Variants in CEACAM3 observed in about 807,000 individuals in gnomAD.
The protein encoded by CEACAM3 is CEA cell adhesion molecule 3.
A neutral mutation model predicts 30.1 loss-of-function variants in CEACAM3; 32 were observed. The ratio of observed to expected loss-of-function variants is 1.06; its 90% confidence interval spans 0.80 to 1.43. The LOEUF is 1.43. Among genes scored for constraint, CEACAM3 ranks in the 40% most tolerant of loss-of-function variants. The pLI, the probability that CEACAM3 is intolerant of heterozygous loss-of-function variation, is 0.00. For missense variants in CEACAM3, 290 were observed against 316.3 expected, an observed-to-expected ratio of 0.92 and a Z score of 0.63; for synonymous variants, 134 against 127.2, an observed-to-expected ratio of 1.05 and a Z score of -0.36.
chr19:41,809,963 A>G lies in CEACAM3; in HGVS notation c.543-2A>G. ...CTCCCAAATGACCCTGACCTTTCCTAGAACCAGCATCCAGCGTGACCTCAA... is the reference window on the plus strand; with the variant it reads ...CTCCCAAATGACCCTGACCTTTCCTGGAACCAGCATCCAGCGTGACCTCAA... On this transcript the variant is annotated splice_acceptor_variant, in intron 3 of 6. Coordinates refer to ENST00000357396, the MANE Select transcript of CEACAM3 (RefSeq NM_001815.5). LOFTEE classifies it high-confidence loss of function. The G allele has an allele frequency of 1.9e-6, 3 of 1,613,754 alleles. No individual in the cohort carries two copies. Among genetic ancestry groups the G allele is most frequent in the Non-Finnish European group, 2.5e-6 (3 of 1,179,816 alleles).
intron 2 of CEACAM3, among the ~76,000 whole-genome samples, chr19:41,799,728 G>A (rs185895364): frequency 1.1e-4 from 16 of 152,154 alleles, no homozygotes; most frequent in African/African-American, 3.9e-4. Context: ...GGCCCAGTGA[G>A]AGACACACAC....
intron 2 of CEACAM3, among the ~76,000 whole-genome samples, chr19:41,806,335 C>T (rs1004314316): frequency 4.0e-5 from 6 of 151,756 alleles, no homozygotes; most frequent in Admixed American, 6.6e-5. Flanking sequence ...CGGCCTTCTA[C>T]TATACCTTTT....
intron 2 of CEACAM3, among the ~76,000 whole-genome samples, chr19:41,803,746 A>ACCCTACGAGTG (rs2073175488): frequency 2.2e-5 from 1 of 45,478 alleles, no homozygotes; most frequent in African/African-American, 3.5e-5. Context: ...GATTACAGGC[A>ACCCTACGAGTG]TGAGCCACCA....
chr19:41,808,679 A>G (rs1314590294), intron 2 of CEACAM3, 134 bp from the exon 3 acceptor site: 1 of 690,310 alleles, frequency 1.4e-6, no homozygotes, highest in Non-Finnish European at 2.5e-6. Flanking sequence ...TGTGATGAGG[A>G]CAACACAAGA....
chr19:41,807,211 CT>C, intron 2 of CEACAM3: 1 of 1,609,798 alleles, frequency 6.2e-7, no homozygotes, highest in Non-Finnish European at 8.5e-7. Flanking sequence ...ACAGCACAAC[CT>C]GCCTGTAGTG....
At chr19:41,810,747 G>C (rs978043719) in intron 5 of CEACAM3, 85 bp from the exon 6 acceptor site, 1 of 1,252,248 alleles carries the variant, frequency 8.0e-7, no homozygotes, top group Non-Finnish European at 1.2e-6. Flanking sequence ...ATGACCAGAA[G>C]TAAACACAGA....
intron 2 of CEACAM3, among the ~76,000 whole-genome samples, chr19:41,800,274 C>T (rs1336061666): frequency 6.6e-6 from 1 of 152,180 alleles, no homozygotes; most frequent in Non-Finnish European, 1.5e-5. Flanking sequence ...CTGTTATGCC[C>T]AGACAGGGCC....
intron 2 of CEACAM3, 74 bp downstream of exon 2, chr19:41,798,022 G>C: frequency 6.5e-7 from 1 of 1,543,622 alleles, no homozygotes; most frequent in Non-Finnish European, 8.7e-7. Flanking sequence ...TCAGGCCTGG[G>C]CTGTGCCTGT....
At chr19:41,805,997 TG>T (rs1225627730) in intron 2 of CEACAM3, among the ~76,000 whole-genome samples, 1,765 of 144,848 alleles carry the variant, frequency 0.012, 33 homozygotes, top group African/African-American at 0.039. Context: ...CTCTTCCTGT[TG>T]TTGTTGTTTG....
chr19:41,800,890 C>T (rs1169865570), intron 2 of CEACAM3, among the ~76,000 whole-genome samples: 1 of 152,122 alleles, frequency 6.6e-6, no homozygotes, highest in Non-Finnish European at 1.5e-5. Flanking sequence ...CCCCGGGGCC[C>T]AGCTGTCTGT....
chr19:41,798,419 T>C (rs1341039822), intron 2 of CEACAM3, among the ~76,000 whole-genome samples: 2 of 152,214 alleles, frequency 1.3e-5, no homozygotes, highest in African/African-American at 4.8e-5. Flanking sequence ...GAGTGAGGCC[T>C]CCTGGGCAGG....
chr19:41,803,451 TG>T lies in CEACAM3; in HGVS notation c.425-5361del, dbSNP rs1407509186. 1.7e-3 allele frequency among the ~76,000 whole-genome samples: 123 copies of T among 72,822 alleles called. 1 individual carries two copies. Among genetic ancestry groups the T allele is most frequent in the South Asian group, 6.9e-3 (11 of 1,602 alleles). 47.8% of individuals were successfully genotyped at this position (72,822 alleles called of 152,430 possible). ...ATGTGTGTGTGTGTGTGTGTGTGTGTGTGTGTGTTGTTTTGTTTGTTTTTTT... is the reference window on the plus strand; with the variant it reads ...ATGTGTGTGTGTGTGTGTGTGTGTGTTGTGTGTTGTTTTGTTTGTTTTTTT... On this transcript the variant is annotated intron_variant, in intron 2 of 6. Coordinates refer to ENST00000357396, the MANE Select transcript of CEACAM3 (RefSeq NM_001815.5).
At position 41,811,225 on chromosome 19, in the gene CEACAM3, A is replaced by C; in HGVS notation, c.747A>C (p.Glu249Asp). ...NIYCRMDHKA[E>D]VAS ...ACTGCCGGATGGACCACAAAGCAGA[A>C]GTGGCTTCTTAGCTTCCTCCAGGAG... Residue 249 changes from glutamate (E) to aspartate (D), a missense_variant, in exon 7 of 7, where the codon GAA becomes GAC. Transcript: ENST00000357396. The C allele has an allele frequency of 1.9e-6, 3 of 1,613,968 alleles. No individual in the cohort carries two copies. Among genetic ancestry groups the C allele is most frequent in the Non-Finnish European group, 2.5e-6 (3 of 1,180,012 alleles).
Position 41,797,756 on chromosome 19 carries a change from C to T in CEACAM3, c.232C>T (p.Leu78=), listed in dbSNP as rs566184529. 3.7e-6 allele frequency: 6 copies of T among 1,612,990 alleles called. No individual in the cohort carries two copies. Among genetic ancestry groups the T allele is most frequent in the Non-Finnish European group, 5.1e-6 (6 of 1,179,962 alleles). ...AGGGGAAAGAGTGGATGGCAACAGTCTAATTGTAGGATATGTAATAGGAAC... is the reference window on the plus strand; with the variant it reads ...AGGGGAAAGAGTGGATGGCAACAGTTTAATTGTAGGATATGTAATAGGAAC... The part of the protein sequence containing the change: ...YKGERVDGNS[L]IVGYVIGTQQ... Residue 78 remains leucine, a synonymous_variant, in exon 2 of 7, where the codon CTA becomes TTA. Coordinates refer to ENST00000357396, the MANE Select transcript of CEACAM3 (RefSeq NM_001815.5).
rs782709841 is a variant in CEACAM3, at chr19:41,810,001, C to A, written c.579C>A (p.Pro193=). 125 of 1,613,812 alleles carry A rather than the reference C, an allele frequency of 7.7e-5. No homozygotes were observed. The highest frequency in any genetic ancestry group is 1.0e-4 in the Non-Finnish European group (122 of 1,179,882). ...AGCGTGACCTCAAGGAGCAGCAGCC[C>A]CAAGCCCTTGCCCCTGGTGAGTGTC... The part of the protein sequence containing the change: ...SIQRDLKEQQ[P]QALAPGRGPS... The change falls in exon 4 of 7, where the codon CCC becomes CCA. Residue 193 remains proline (P), a synonymous_variant. Coordinates refer to ENST00000357396, the MANE Select transcript of CEACAM3 (RefSeq NM_001815.5).
chr19:41,810,896 A>T lies in CEACAM3; in HGVS notation c.692A>T (p.Glu231Val). The part of the protein sequence containing the change: ...PNPRTAASIY[E>V]ELLKHDTNIY... Reference sequence around the variant, plus strand: ...CCCAGGACAGCAGCTTCCATCTATGAGGTGAGTGTGGGCCACGGATGTTCT... The same window carrying T: ...CCCAGGACAGCAGCTTCCATCTATGTGGTGAGTGTGGGCCACGGATGTTCT... The change falls in exon 6 of 7, where the codon GAG becomes GTG. Residue 231 changes from glutamate to valine, a missense_variant and splice_region_variant. Transcript: ENST00000357396. 1 of 1,613,376 alleles carries T rather than the reference A, an allele frequency of 6.2e-7. No individual in the cohort carries two copies. Among genetic ancestry groups the T allele is most frequent in the Non-Finnish European group, 8.5e-7 (1 of 1,179,626 alleles).
chr19:41,811,356 T>A lies in CEACAM3; in HGVS notation c.*119T>A, dbSNP rs2073249217. ...CCAGCTATAAGTCCTGAGAAGACAC[T>A]GGTGTCTGGGGGCAGGGAGGGATGG... On this transcript the variant is annotated 3_prime_UTR_variant, in exon 7 of 7. Coordinates refer to ENST00000357396, the MANE Select transcript of CEACAM3 (RefSeq NM_001815.5). 1.3e-5 allele frequency: 11 copies of A among 857,372 alleles called. No individual in the cohort carries two copies. The highest frequency in any genetic ancestry group is 2.1e-5 in the Non-Finnish European group (11 of 522,790). 53.1% of individuals were successfully genotyped at this position (857,372 alleles called of 1,614,324 possible).
At chr19:41,802,992 C>T (rs1555826181) in intron 2 of CEACAM3, among the ~76,000 whole-genome samples, 2 of 152,170 alleles carry the variant, frequency 1.3e-5, no homozygotes, top group East Asian at 1.9e-4. Context: ...TGAACACCTG[C>T]TCACCCAAGT....
intron 2 of CEACAM3, 42 bp from the exon 3 acceptor site, chr19:41,808,771 T>A: frequency 6.5e-7 from 1 of 1,539,002 alleles, no homozygotes; most frequent in Non-Finnish European, 9.0e-7. Context: ...TCCTCTGGGA[T>A]AGACTTGGGC....
Sources: allele counts gnomAD v4.1 joint callset (sites outside exome capture counted in the v4.1 genomes callset), GRCh38; gene constraint gnomAD v4.1.1; transcripts MANE v1.5; gene names NCBI Gene and HGNC (gene_info 2026-07-23, HGNC 2026-07-21).